Variants in B3GLCT observed in about 807,000 individuals in gnomAD.
B3GLCT encodes the protein beta 3-glucosyltransferase.
B3GLCT carries 65 observed loss-of-function variants against 63.4 expected under a neutral mutation model. The ratio of observed to expected loss-of-function variants is 1.03; its 90% CI spans 0.84 to 1.26. The LOEUF (loss-of-function observed/expected upper bound fraction) is 1.26. Among genes scored for constraint, B3GLCT ranks in the 50% most tolerant of loss-of-function variants. B3GLCT has a pLI of 0.00. For synonymous variants in B3GLCT, 233 were observed against 219.2 expected, an observed-to-expected ratio of 1.06 and a Z score of -0.55; for missense variants, 577 against 604.8, an observed-to-expected ratio of 0.95 and a Z score of 0.48.
intron 4 of B3GLCT, among the ~76,000 whole-genome samples, chr13:31,238,840 G>A (rs751964777): frequency 9.9e-5 from 15 of 152,182 alleles, no homozygotes; most frequent in Non-Finnish European, 2.2e-4. Context: ...AGTCATTTTT[G>A]AATGCAAAAA....
chr13:31,205,421 TG>T (rs1422924126), intron 1 of B3GLCT, among the ~76,000 whole-genome samples: 1 of 151,914 alleles, frequency 6.6e-6, no homozygotes, highest in East Asian at 1.9e-4. Context: ...TACCCGCGCA[TG>T]GTGGCGTGTG....
At chr13:31,269,401 A>T (rs1872480461) in intron 8 of B3GLCT, 124 bp downstream of exon 8, 1 of 680,822 alleles carries the variant, frequency 1.5e-6, no homozygotes, top group Admixed American at 2.3e-5. Flanking sequence ...CCACAGAGAT[A>T]ATTTCATAGC....
chr13:31,308,362 A>AAACAAAAAAC (rs1555254601), intron 12 of B3GLCT, among the ~76,000 whole-genome samples: 8 of 61,878 alleles, frequency 1.3e-4, no homozygotes, highest in African/African-American at 3.7e-4. Flanking sequence ...AAAAAAAAAC[A>AAACAAAAAAC]AAAAAAAAAG....
At position 31,282,856 on chromosome 13, in the gene B3GLCT, C is replaced by T. The variant is rs556664437; in HGVS notation, c.851-1792C>T. ...CAAGCTTCCACAAATAATCCTAGGC[C>T]TTTTATTGAAATGCCTACAAAATTC... On this transcript the variant is annotated intron_variant, in intron 10 of 14. Coordinates refer to ENST00000343307, the MANE Select transcript of B3GLCT (RefSeq NM_194318.4). 2.0e-5 allele frequency among the ~76,000 whole-genome samples: 3 copies of T among 152,150 alleles called. No individual in the cohort carries two copies. In the South Asian group the frequency reaches 6.2e-4, roughly 32 times the overall value.
At chr13:31,229,159 C>T in intron 3 of B3GLCT, 26 bp from the exon 4 acceptor site, 2 of 1,427,458 alleles carry the variant, frequency 1.4e-6, no homozygotes, top group Non-Finnish European at 2.0e-6. Flanking sequence ...AAAGAAATAC[C>T]TGAAAACTAT....
intron 1 of B3GLCT, among the ~76,000 whole-genome samples, chr13:31,212,267 C>CTTTT (rs59719685): frequency 9.8e-5 from 9 of 91,618 alleles, no homozygotes; most frequent in South Asian, 4.1e-4. Context: ...GCATAACTGG[C>CTTTT]TTTTTTTTTT....
intron 1 of B3GLCT, among the ~76,000 whole-genome samples, chr13:31,208,342 G>C (rs143511129): frequency 2.0e-5 from 3 of 152,014 alleles, no homozygotes; most frequent in Admixed American, 2.0e-4. Flanking sequence ...CCCCTGAGCC[G>C]TCCTTGGCCT....
intron 4 of B3GLCT, among the ~76,000 whole-genome samples, chr13:31,240,518 GT>G (rs1289732130): frequency 1.2e-5 from 1 of 81,668 alleles, no homozygotes; most frequent in East Asian, 3.0e-4. Context: ...ATTTTCATTT[GT>G]TAAGCCAGGA....
intron 6 of B3GLCT, among the ~76,000 whole-genome samples, chr13:31,249,756 G>T (rs1206961137): frequency 6.6e-6 from 1 of 152,068 alleles, no homozygotes; most frequent in Non-Finnish European, 1.5e-5. Context: ...TATTTCTTTT[G>T]AGACTAACAG....
At chr13:31,228,100 G>T (rs1261076503) in intron 3 of B3GLCT, among the ~76,000 whole-genome samples, 1 of 152,228 alleles carries the variant, frequency 6.6e-6, no homozygotes, top group Non-Finnish European at 1.5e-5. Flanking sequence ...GTTGTAAAAA[G>T]CTGGCTGCCT....
chr13:31,215,187 CAATT>C lies in B3GLCT; in HGVS notation c.120+88_120+91del, dbSNP rs1246170962. 2.3e-6 allele frequency: 3 copies of C among 1,288,832 alleles called. No homozygotes were observed. In the African/African-American group the frequency reaches 4.5e-5, roughly 19 times the overall value. The allele number at this position is 1,288,832 out of a possible 1,614,324, so 79.8% of individuals were successfully genotyped here. ...TAGGAATAGTAATCATTTCATTCTT[CAATT>C]GTTATTTTTATTGTTACATAATTCA... On this transcript the variant is annotated intron_variant, in intron 2 of 14. Coordinates refer to ENST00000343307, the MANE Select transcript of B3GLCT (RefSeq NM_194318.4).
intron 7 of B3GLCT, among the ~76,000 whole-genome samples, chr13:31,265,708 T>C (rs1156901181): frequency 2.0e-5 from 3 of 152,246 alleles, no homozygotes; most frequent in Admixed American, 1.3e-4. Flanking sequence ...TCTTCAAATA[T>C]ATGTCATTCC....
chr13:31,254,650 A>G (rs1412433177), intron 6 of B3GLCT, among the ~76,000 whole-genome samples: 11 of 152,210 alleles, frequency 7.2e-5, no homozygotes, highest in African/African-American at 2.7e-4. Flanking sequence ...TGGTATTGGA[A>G]GTTCTGGCCA....
At chr13:31,238,288 A>G (rs1870754438) in intron 4 of B3GLCT, among the ~76,000 whole-genome samples, 1 of 152,256 alleles carries the variant, frequency 6.6e-6, no homozygotes. Context: ...AGCGTAAACT[A>G]ACTTTTTATC....
chr13:31,297,711 A>G (rs1874027295), intron 12 of B3GLCT, among the ~76,000 whole-genome samples: 1 of 152,168 alleles, frequency 6.6e-6, no homozygotes, highest in African/African-American at 2.4e-5. Flanking sequence ...ACCAGACACC[A>G]GTCATTAAGT....
intron 12 of B3GLCT, among the ~76,000 whole-genome samples, chr13:31,288,029 T>A (rs1293703680): frequency 1.3e-5 from 2 of 152,220 alleles, no homozygotes; most frequent in East Asian, 3.8e-4. Flanking sequence ...GCCTTGAATA[T>A]ATGCAATTGA....
chr13:31,267,050 C>T (rs1400871414), intron 7 of B3GLCT, among the ~76,000 whole-genome samples: 1 of 152,226 alleles, frequency 6.6e-6, no homozygotes, highest in Non-Finnish European at 1.5e-5. Flanking sequence ...GGATTACAGG[C>T]ATGAGCCACT....
At chr13:31,272,211 AT>A (rs1872597964) in intron 8 of B3GLCT, among the ~76,000 whole-genome samples, 2 of 112,760 alleles carry the variant, frequency 1.8e-5, no homozygotes, top group Non-Finnish European at 3.6e-5. Flanking sequence ...CTTATTTTCT[AT>A]TTTTCCTTTT....
intron 10 of B3GLCT, among the ~76,000 whole-genome samples, chr13:31,277,677 T>G (rs1872864947): frequency 6.6e-6 from 1 of 152,172 alleles, no homozygotes; most frequent in Admixed American, 6.5e-5. Context: ...AAATTATATT[T>G]TACAGGGGAA....
Sources: gnomAD v4.1 joint callset for allele counts (sites outside exome capture counted in the v4.1 genomes callset) on GRCh38, gnomAD v4.1.1 for gene constraint, MANE v1.5 for transcripts, NCBI Gene and HGNC (gene_info 2026-07-23, HGNC 2026-07-21) for gene names.